Variants in OPCML observed in about 807,000 individuals in gnomAD.
The protein encoded by OPCML is opioid binding protein/cell adhesion molecule like, also known as opioid-binding protein/cell adhesion molecule.
OPCML carries 13 observed loss-of-function variants against 37.8 expected under a neutral mutation model. The ratio of observed to expected loss-of-function variants is 0.34; its 90% CI spans 0.22 to 0.55. The LOEUF is 0.55. OPCML is among the 20% of genes least tolerant of loss of function. The probability of loss-of-function intolerance (pLI) is 0.91; values close to 1 mark genes in which losing one functional copy is unlikely to be tolerated. For synonymous variants in OPCML, 176 were observed against 168.8 expected, an observed-to-expected ratio of 1.04 and a Z score of -0.33; for missense variants, 341 against 435.6, an observed-to-expected ratio of 0.78 and a Z score of 1.93.
intron 1 of OPCML, among the ~76,000 whole-genome samples, chr11:133,127,632 CA>C (rs879535484): frequency 0.1 from 11,179 of 107,404 alleles, 465 homozygotes; most frequent in Middle Eastern, 0.16. Context: ...GGCTCTGTCT[CA>C]AAAAAAAAAA....
rs149707469 is a variant in OPCML, at chr11:133,193,207, A to C, written c.62-250197T>G. On this transcript the variant is annotated intron_variant, in intron 1 of 7. Transcript: ENST00000524381. ...AACCAGAAGAATCCTGGATCTGTAC[A>C]TTCCTGGTTACAATCCCTCCATTTC... Among the ~76,000 whole-genome samples the C allele has an allele frequency of 6.0e-3, 915 of 152,270 alleles. 8 individuals carry two copies. The highest frequency in any genetic ancestry group is 0.019 in the African/African-American group (790 of 41,562).
chr11:132,688,191 C>T (rs1467854654), intron 2 of OPCML, among the ~76,000 whole-genome samples: 3 of 151,032 alleles, frequency 2.0e-5, no homozygotes, highest in Admixed American at 2.0e-4. Flanking sequence ...ATGATTCTTG[C>T]CGAAAATTAA....
intron 1 of OPCML, among the ~76,000 whole-genome samples, chr11:133,135,879 C>A (rs552862262): frequency 6.6e-6 from 1 of 152,264 alleles, no homozygotes; most frequent in Admixed American, 6.5e-5. Context: ...CTTGGAACCA[C>A]AAGAGAAACA....
At chr11:132,549,710 G>T (rs2096377151) in intron 3 of OPCML, among the ~76,000 whole-genome samples, 1 of 152,206 alleles carries the variant, frequency 6.6e-6, no homozygotes. Context: ...CAAGTGTACT[G>T]TAAGAAGCAG....
At chr11:132,552,945 T>C (rs1388463467) in intron 3 of OPCML, among the ~76,000 whole-genome samples, 1 of 151,926 alleles carries the variant, frequency 6.6e-6, no homozygotes, top group South Asian at 2.1e-4. Flanking sequence ...TTTGTATTTT[T>C]AGTAGATACG....
chr11:133,098,943 A>C (rs1352928220), intron 1 of OPCML, among the ~76,000 whole-genome samples: 14 of 152,222 alleles, frequency 9.2e-5, no homozygotes, highest in Admixed American at 6.5e-5. Flanking sequence ...ACAACAACAA[A>C]AAAGAGAAAC....
At chr11:133,483,709 TA>T (rs1565659561) in intron 1 of OPCML, among the ~76,000 whole-genome samples, 2 of 146,852 alleles carry the variant, frequency 1.4e-5, no homozygotes, top group African/African-American at 2.6e-5. Context: ...GATAGATAGA[TA>T]GATAGATAGA....
chr11:133,316,555 A>G (rs905443640), intron 1 of OPCML, among the ~76,000 whole-genome samples: 4 of 152,160 alleles, frequency 2.6e-5, no homozygotes, highest in African/African-American at 9.7e-5. Flanking sequence ...GGGTGCAGCA[A>G]ACCACCATGG....
At chr11:133,186,014 C>T (rs1232054919) in intron 1 of OPCML, among the ~76,000 whole-genome samples, 1 of 152,078 alleles carries the variant, frequency 6.6e-6, no homozygotes, top group African/African-American at 2.4e-5. Flanking sequence ...TGTTTCTGGA[C>T]ATTTATAGCA....
chr11:132,746,906 G>A (rs762224347), intron 2 of OPCML, among the ~76,000 whole-genome samples: 2 of 152,130 alleles, frequency 1.3e-5, no homozygotes, highest in South Asian at 2.1e-4. Context: ...AGCTGAGAAC[G>A]AGGACCTGCT....
rs111619681 is a variant in OPCML at position 132,634,924 on chromosome 11, G to A, written c.379+22163C>T. Among the ~76,000 whole-genome samples, 1,143 of 151,948 alleles carry A rather than the reference G, an allele frequency of 7.5e-3. 17 individuals are homozygous for A. Among genetic ancestry groups the A allele is most frequent in the African/African-American group, 0.026 (1,093 of 41,428 alleles). On this transcript the variant is annotated intron_variant, in intron 3 of 7. Coordinates refer to ENST00000524381, the MANE Select transcript of OPCML (RefSeq NM_001012393.5). Reference sequence around the variant, plus strand: ...AAGATTCTAACTCAGCCTTGCATGCGAGATAAGAATATAATGCCCTCTTAC... The same window carrying A: ...AAGATTCTAACTCAGCCTTGCATGCAAGATAAGAATATAATGCCCTCTTAC...
At chr11:132,740,887 T>C (rs1945413452) in intron 2 of OPCML, among the ~76,000 whole-genome samples, 1 of 152,176 alleles carries the variant, frequency 6.6e-6, no homozygotes, top group Non-Finnish European at 1.5e-5. Flanking sequence ...GTTTACTTTG[T>C]GTCAGATGAT....
At chr11:132,924,309 T>C (rs904600923) in intron 2 of OPCML, among the ~76,000 whole-genome samples, 4 of 152,272 alleles carry the variant, frequency 2.6e-5, no homozygotes, top group Admixed American at 2.0e-4. Flanking sequence ...CCTCCTCCTC[T>C]TCTTTTTCTT....
chr11:132,963,320 G>A (rs181461549), intron 1 of OPCML, among the ~76,000 whole-genome samples: 72 of 152,014 alleles, frequency 4.7e-4, no homozygotes, highest in African/African-American at 1.6e-3. Context: ...GGCTGGGCAC[G>A]GTGGCTCACG....
intron 2 of OPCML, among the ~76,000 whole-genome samples, chr11:132,675,609 T>C (rs1422121449): frequency 2.0e-5 from 3 of 152,136 alleles, no homozygotes; most frequent in Admixed American, 6.5e-5. Context: ...GAACACAAGA[T>C]CAATATATAA....
At chr11:133,404,724 G>A (rs1041213452) in intron 1 of OPCML, among the ~76,000 whole-genome samples, 1 of 152,138 alleles carries the variant, frequency 6.6e-6, no homozygotes, top group Non-Finnish European at 1.5e-5. Context: ...TTAGAATTAG[G>A]CTTTTATTTT....
intron 1 of OPCML, among the ~76,000 whole-genome samples, chr11:133,145,381 T>C (rs1245771875): frequency 1.3e-5 from 2 of 152,070 alleles, no homozygotes; most frequent in East Asian, 1.9e-4. Flanking sequence ...GAAAAGGCAA[T>C]TGTAGCAAGA....
At chr11:132,696,482 GAGATT>G (rs1943603569) in intron 2 of OPCML, among the ~76,000 whole-genome samples, 2 of 152,252 alleles carry the variant, frequency 1.3e-5, no homozygotes, top group Admixed American at 6.5e-5. Context: ...GGTATTCTTA[GAGATT>G]TAAGATGATA....
intron 1 of OPCML, among the ~76,000 whole-genome samples, chr11:133,010,835 T>C (rs1025627454): frequency 1.3e-5 from 2 of 152,104 alleles, no homozygotes; most frequent in African/African-American, 4.8e-5. Flanking sequence ...TGCCACCAAA[T>C]CCTGAAATAA....
Sources: allele counts gnomAD v4.1 joint callset (sites outside exome capture counted in the v4.1 genomes callset), GRCh38; gene constraint gnomAD v4.1.1; transcripts MANE v1.5; gene names NCBI Gene and HGNC (gene_info 2026-07-23, HGNC 2026-07-21).